RBFOX1: variants seen among roughly 807,000 people sequenced by gnomAD.
RBFOX1 encodes the protein RNA binding protein fox-1 homolog 1.
Under a neutral mutation model 57.7 loss-of-function variants are expected in RBFOX1, and 8 were observed. The ratio of observed to expected loss-of-function variants is 0.14; its 90% CI spans 0.08 to 0.25. The LOEUF is 0.25. RBFOX1 is among the 10% of genes least tolerant of loss of function. The pLI is 1.00. For synonymous variants in RBFOX1, 326 were observed against 222.4 expected (o/e 1.47, Z -4.15); for missense variants, 611 against 548.5 (o/e 1.11, Z -1.14).
chr16:7,347,429 CAGG>C (rs2097033172), intron 4 of RBFOX1, among the ~76,000 whole-genome samples: 1 of 152,000 alleles, frequency 6.6e-6, no homozygotes, highest in Non-Finnish European at 1.5e-5. Context: ...TGTTCATTAT[CAGG>C]AGAACAGCAC....
At chr16:7,038,711 G>A (rs1394232285) in intron 3 of RBFOX1, among the ~76,000 whole-genome samples, 1 of 152,136 alleles carries the variant, frequency 6.6e-6, no homozygotes, top group Non-Finnish European at 1.5e-5. Context: ...GAGGCCGAAG[G>A]GGATATTGGC....
At chr16:7,467,114 C>T (rs898644112) in intron 4 of RBFOX1, among the ~76,000 whole-genome samples, 10 of 152,146 alleles carry the variant, frequency 6.6e-5, no homozygotes, top group African/African-American at 2.4e-4. Context: ...GGATAAGTAA[C>T]ACAAGCATCT....
At chr16:6,702,599 T>C (rs2062026796) in intron 3 of RBFOX1, among the ~76,000 whole-genome samples, 1 of 151,946 alleles carries the variant, frequency 6.6e-6, no homozygotes, top group African/African-American at 2.4e-5. Flanking sequence ...TTCTATTCCT[T>C]CCCAAAAAGT....
At chr16:6,620,847 C>T (rs2098219440) in intron 2 of RBFOX1, among the ~76,000 whole-genome samples, 1 of 152,174 alleles carries the variant, frequency 6.6e-6, no homozygotes, top group African/African-American at 2.4e-5. Flanking sequence ...ATATTGTCAC[C>T]AAAGCTCCAC....
chr16:7,448,368 A>C (rs909390741), intron 4 of RBFOX1, among the ~76,000 whole-genome samples: 5 of 152,208 alleles, frequency 3.3e-5, no homozygotes, highest in African/African-American at 7.2e-5. Flanking sequence ...CAGTGGCCTC[A>C]CAGTTCCACA....
intron 3 of RBFOX1, among the ~76,000 whole-genome samples, chr16:5,640,517 T>C (rs886608571): frequency 2.0e-5 from 3 of 147,430 alleles, no homozygotes; most frequent in African/African-American, 7.8e-5. Flanking sequence ...TACATGCACA[T>C]ACACACATGC....
intron 3 of RBFOX1, among the ~76,000 whole-genome samples, chr16:5,734,022 G>T (rs771654395): frequency 6.6e-6 from 1 of 152,042 alleles, no homozygotes; most frequent in Non-Finnish European, 1.5e-5. Context: ...GAACTTCGTT[G>T]TCCATGTAAT....
chr16:6,063,470 C>A (rs1220690643), intron 1 of RBFOX1, among the ~76,000 whole-genome samples: 1 of 65,938 alleles, frequency 1.5e-5, no homozygotes, highest in Non-Finnish European at 3.4e-5. Flanking sequence ...CTCCGACACA[C>A]ACACACACAC....
At chr16:7,694,562 C>G (rs1238473203) in intron 14 of RBFOX1, among the ~76,000 whole-genome samples, 2 of 152,190 alleles carry the variant, frequency 1.3e-5, no homozygotes, top group African/African-American at 4.8e-5. Context: ...CAATGGTATA[C>G]TCTTTCTATA....
chr16:6,169,511 GC>G (rs2096942605), intron 1 of RBFOX1, among the ~76,000 whole-genome samples: 1 of 152,108 alleles, frequency 6.6e-6, no homozygotes, highest in South Asian at 2.1e-4. Context: ...CCTGAATCAG[GC>G]AGCCCCCAGA....
chr16:6,549,559 A>G (rs1599553333), intron 2 of RBFOX1, among the ~76,000 whole-genome samples: 4 of 117,188 alleles, frequency 3.4e-5, no homozygotes, highest in African/African-American at 6.7e-5. Flanking sequence ...GGATGGGAGG[A>G]GGGGAGGAAG....
chr16:7,152,137 A>G (rs1229248518), intron 4 of RBFOX1, among the ~76,000 whole-genome samples: 1 of 152,190 alleles, frequency 6.6e-6, no homozygotes, highest in Non-Finnish European at 1.5e-5. Context: ...AGAAGGTGTC[A>G]ATTCTGTTTG....
intron 2 of RBFOX1, among the ~76,000 whole-genome samples, chr16:6,338,289 A>C (rs12598169): frequency 0.42 from 64,146 of 152,000 alleles, 13,861 homozygotes; most frequent in African/African-American, 0.47. Flanking sequence ...TGAAGGGATT[A>C]TATCAAGATT....
chr16:6,631,390 C>G (rs993155269), intron 2 of RBFOX1, among the ~76,000 whole-genome samples: 9 of 151,560 alleles, frequency 5.9e-5, no homozygotes, highest in African/African-American at 2.2e-4. Context: ...TTAGAAAACA[C>G]TTTTTATTAT....
intron 3 of RBFOX1, among the ~76,000 whole-genome samples, chr16:5,718,479 G>C (rs1279702910): frequency 1.3e-5 from 2 of 152,246 alleles, no homozygotes; most frequent in East Asian, 3.8e-4. Context: ...ACTCTCTTTA[G>C]ATGTGAGCTC....
chr16:7,489,901 A>G (rs529081654), intron 4 of RBFOX1, among the ~76,000 whole-genome samples: 3 of 152,212 alleles, frequency 2.0e-5, no homozygotes, highest in South Asian at 2.1e-4. Context: ...ATGCATGTAC[A>G]ATGGTTTTAA....
At chr16:7,491,981 G>A (rs954758557) in intron 4 of RBFOX1, among the ~76,000 whole-genome samples, 2 of 151,888 alleles carry the variant, frequency 1.3e-5, no homozygotes, top group African/African-American at 4.8e-5. Flanking sequence ...TGTTCCTAAC[G>A]CCTAGGCTGA....
At chr16:6,890,087 T>C (rs1231518418) in intron 3 of RBFOX1, among the ~76,000 whole-genome samples, 1 of 152,214 alleles carries the variant, frequency 6.6e-6, no homozygotes, top group Non-Finnish European at 1.5e-5. Flanking sequence ...AAAATGTGTT[T>C]AGCACAAAGA....
chr16:6,654,461 C>A, intron 2 of RBFOX1, 142 bp from the exon 3 acceptor site: 2 of 638,402 alleles, frequency 3.1e-6, no homozygotes, highest in African/African-American at 1.9e-5. Context: ...CTATAAAGAG[C>A]AATGACTCGA....
Sources: allele counts gnomAD v4.1 joint callset (sites outside exome capture counted in the v4.1 genomes callset), GRCh38; gene constraint gnomAD v4.1.1; transcripts MANE v1.5; gene names NCBI Gene and HGNC (gene_info 2026-07-23, HGNC 2026-07-21).